The following USP26 variants were observed in gnomAD, a reference collection of about 807,000 sequenced individuals.
USP26 encodes ubiquitin carboxyl-terminal hydrolase 26.
For synonymous variants in USP26, 236 were observed against 240.6 expected, an observed-to-expected ratio of 0.98 and a Z score of 0.18; for missense variants, 649 against 642.3, an observed-to-expected ratio of 1.01 and a Z score of -0.11.
intron 4 of USP26, among the ~76,000 whole-genome samples, chrX:133,087,862 G>A (rs2067594927): frequency 9.0e-6 from 1 of 111,405 alleles, no homozygotes; most frequent in South Asian, 3.8e-4. Context: ...GTCACACCAA[G>A]AATTTATAGA....
intron 5 of USP26, among the ~76,000 whole-genome samples, chrX:133,072,319 G>A (rs186412359): frequency 5.8e-4 from 65 of 112,106 alleles, no homozygotes; most frequent in African/African-American, 1.9e-3. Context: ...GTATGCATGC[G>A]CATGCACGGC....
chrX:133,044,043 C>G (rs1395329553), intron 5 of USP26, among the ~76,000 whole-genome samples: 4 of 112,641 alleles, frequency 3.6e-5, no homozygotes, highest in African/African-American at 1.3e-4. Flanking sequence ...TCAAAAAGCT[C>G]AGGCACTTGA....
intron 5 of USP26, among the ~76,000 whole-genome samples, chrX:133,040,071 G>A (rs1303419764): frequency 3.6e-5 from 4 of 110,346 alleles, no homozygotes; most frequent in Admixed American, 1.9e-4. Context: ...TCTTTATTTC[G>A]AGCCTATGTG....
At chrX:133,071,763 C>T (rs112794297) in intron 5 of USP26, among the ~76,000 whole-genome samples, 3,376 of 111,376 alleles carry the variant, frequency 0.03, 76 homozygotes, top group East Asian at 0.1. Flanking sequence ...TTTCGTTTGC[C>T]TGGTTCTGGG....
At position 133,027,795 on chromosome X, in the gene USP26, T is replaced by C; in HGVS notation, c.426A>G (p.Lys142=). The C allele has an allele frequency of 3.3e-6, 4 of 1,210,166 alleles. No homozygotes were observed. Among genetic ancestry groups the C allele is most frequent in the Non-Finnish European group, 4.5e-6 (4 of 894,467 alleles). The part of the protein sequence containing the change: ...FHKVDEKSSS[K]SFEIAKGSGT... The stretch of plus-strand genomic sequence containing the variant: ...CACTTCCTTTTGCTATCTCAAAAGA[T>C]TTGCTACTTGATTTCTCATCAACTT... Residue 142 remains lysine (K), a synonymous_variant, in exon 6 of 6, where the codon AAA becomes AAG. Coordinates refer to ENST00000511190, the MANE Select transcript of USP26 (RefSeq NM_031907.3).
At chrX:133,092,626 T>C (rs764378959) in intron 1 of USP26, among the ~76,000 whole-genome samples, 1 of 111,992 alleles carries the variant, frequency 8.9e-6, no homozygotes, top group South Asian at 3.7e-4. Flanking sequence ...AAATATCCCC[T>C]CTAGGATTCT....
intron 5 of USP26, among the ~76,000 whole-genome samples, chrX:133,055,511 C>A (rs778387891): frequency 9.0e-6 from 1 of 111,475 alleles, no homozygotes; most frequent in African/African-American, 3.3e-5. Context: ...CATGTAAACA[C>A]CAAGCTTCCA....
At position 133,027,124 on chromosome X, in the gene USP26, T is replaced by G. The variant is rs777379432; in HGVS notation, c.1097A>C (p.Lys366Thr). ...IKEMLLLNLK[K>T]AISAAAEIFH... Reference sequence around the variant, plus strand: ...TATCTCTGCAGCTGCTGAAATGGCCTTTTTAAGATTCAAGAGTAACATCTC... The same window carrying G: ...TATCTCTGCAGCTGCTGAAATGGCCGTTTTAAGATTCAAGAGTAACATCTC... Residue 366 changes from lysine to threonine, a missense_variant, in exon 6 of 6, where the codon AAG becomes ACG. Physicochemically the swap from Lys to Thr is moderately conservative, Grantham distance 78. Transcript: ENST00000511190. The G allele has an allele frequency of 2.7e-5, 33 of 1,210,795 alleles. No homozygotes were observed. In the Admixed American group the frequency reaches 7.0e-4, roughly 26 times the overall value.
intron 5 of USP26, among the ~76,000 whole-genome samples, chrX:133,038,471 T>C (rs1352104697): frequency 8.9e-6 from 1 of 112,107 alleles, no homozygotes; most frequent in Non-Finnish European, 1.9e-5. Flanking sequence ...TTAAGTTTAT[T>C]GATTTGCATA....
chrX:133,027,815 C>A lies in USP26; in HGVS notation c.406G>T (p.Asp136Tyr). Residue 136 changes from aspartate to tyrosine, a missense_variant, in exon 6 of 6, where the codon GAT (aspartate) becomes TAT (tyrosine). By Grantham distance (160) the Asp-to-Tyr change is radical. Transcript: ENST00000511190. ...EINKTSFHKV[D>Y]EKSSSKSFEI... Reference sequence around the variant, plus strand: ...AAAGATTTGCTACTTGATTTCTCATCAACTTTGTGGAATGAAGTTTTGTTG... The same window carrying A: ...AAAGATTTGCTACTTGATTTCTCATAAACTTTGTGGAATGAAGTTTTGTTG... The A allele has an allele frequency of 8.3e-7, 1 of 1,208,741 alleles. No homozygotes were observed. The highest frequency in any genetic ancestry group is 1.1e-6 in the Non-Finnish European group (1 of 893,921).
chrX:133,096,066 T>G lies in USP26; in HGVS notation c.-393+964A>C, dbSNP rs747164432. ...GGCCTAATTTTTTTTTTTTTTTTTT[T>G]TTTTTTTTTTTTGTAGAAATGAGGT... On this transcript the variant is annotated intron_variant, in intron 1 of 5. Coordinates refer to ENST00000511190, the MANE Select transcript of USP26 (RefSeq NM_031907.3). Among the ~76,000 whole-genome samples the G allele has an allele frequency of 1.3e-4, 11 of 82,298 alleles. No individual in the cohort carries two copies. The East Asian group carries it at 2.3e-3, about 17-fold the overall frequency. The allele number at this position is 82,298 out of a possible 115,157, so 71.5% of individuals were successfully genotyped here. A position where few individuals can be genotyped will look rare whatever the true frequency, so the allele number is the denominator to read the frequency against.
At chrX:133,033,174 T>C (rs2067383976) in intron 5 of USP26, among the ~76,000 whole-genome samples, 1 of 111,622 alleles carries the variant, frequency 9.0e-6, no homozygotes, top group African/African-American at 3.3e-5. Context: ...AGAGACACAC[T>C]GCCTCTAGAG....
chrX:133,033,018 G>A (rs1396103557), intron 5 of USP26, among the ~76,000 whole-genome samples: 2 of 111,371 alleles, frequency 1.8e-5, no homozygotes, highest in Non-Finnish European at 3.8e-5. Context: ...TGGAAGTGGA[G>A]AGTTGAATGT....
chrX:133,045,136 A>G (rs762056332), intron 5 of USP26, among the ~76,000 whole-genome samples: 66 of 111,632 alleles, frequency 5.9e-4, no homozygotes, highest in Non-Finnish European at 1.0e-3. Flanking sequence ...TTGTGAATAC[A>G]CCAATGAGCA....
rs1345172004 is a variant in USP26 at position 133,026,120 on chromosome X, A to T, written c.2101T>A (p.Tyr701Asn). Residue 701 changes from tyrosine to asparagine, a missense_variant, in exon 6 of 6, where the codon TAT becomes AAT. Physicochemically the swap from Tyr to Asn is moderately radical, Grantham distance 143. Transcript: ENST00000511190. ...GCTACAAACTTACTGGTTTTCACATATTTCTTTCGTTTTGGATTTTCGGGC... is the reference window on the plus strand; with the variant it reads ...GCTACAAACTTACTGGTTTTCACATTTTTCTTTCGTTTTGGATTTTCGGGC... ...TVPENPKRKK[Y>N]VKTSKFVAFD... 1 of 1,208,104 alleles carries T rather than the reference A, an allele frequency of 8.3e-7. No homozygotes were observed. Among genetic ancestry groups the T allele is most frequent in the Non-Finnish European group, 1.1e-6 (1 of 894,737 alleles).
chrX:133,028,735 C>T (rs1361643792), intron 5 of USP26, among the ~76,000 whole-genome samples: 1 of 111,594 alleles, frequency 9.0e-6, no homozygotes, highest in Non-Finnish European at 1.9e-5. Flanking sequence ...CAGAATGACC[C>T]CATGGGGCAA....
chrX:133,061,338 T>C (rs1343400018), intron 5 of USP26, among the ~76,000 whole-genome samples: 1 of 112,430 alleles, frequency 8.9e-6, no homozygotes, highest in East Asian at 2.8e-4. Flanking sequence ...TGAGGCAGAA[T>C]GAATAGCAAT....
chrX:133,077,501 T>A (rs1334743614), intron 5 of USP26, among the ~76,000 whole-genome samples: 1 of 111,971 alleles, frequency 8.9e-6, no homozygotes, highest in Non-Finnish European at 1.9e-5. Context: ...CAGGAAAGAA[T>A]CACCAGGATT....
chrX:133,033,844 G>A (rs2067386851), intron 5 of USP26, among the ~76,000 whole-genome samples: 1 of 111,575 alleles, frequency 9.0e-6, no homozygotes, highest in African/African-American at 3.3e-5. Context: ...CCTGACCTCG[G>A]GTTTTAAGAT....
Sources: gnomAD v4.1 joint callset for allele counts (sites outside exome capture counted in the v4.1 genomes callset) on GRCh38, gnomAD v4.1.1 for gene constraint, MANE v1.5 for transcripts, NCBI Gene and HGNC (gene_info 2026-07-23, HGNC 2026-07-21) for gene names.